FAM193A: variants seen among roughly 807,000 people sequenced by gnomAD.
FAM193A encodes the protein family with sequence similarity 193 member A, also known as protein FAM193A.
FAM193A carries 22 observed loss-of-function variants against 126.5 expected under a neutral mutation model. That is an observed-to-expected ratio of 0.17 (90% CI 0.12 to 0.25). FAM193A has a LOEUF of 0.25. Ranked by LOEUF, FAM193A falls within the 10% of genes least tolerant of loss-of-function variation. The pLI is 1.00. For synonymous variants in FAM193A, 761 were observed against 646.8 expected (o/e 1.18, Z -2.68); for missense variants, 1,675 against 1,672.8 (o/e 1.00, Z -0.02).
intron 13 of FAM193A, among the ~76,000 whole-genome samples, chr4:2,675,122 G>C (rs1714248603): frequency 6.6e-6 from 1 of 151,950 alleles, no homozygotes; most frequent in Admixed American, 6.6e-5. Flanking sequence ...TATAATCTCT[G>C]GTTTTTTGAG....
rs1712699529 is a variant in FAM193A at position 2,663,256 on chromosome 4, G to A, written c.2047G>A (p.Asp683Asn). ...RSPRTEESKA[D>N]SPPPSYPTQQ... ...CCCCAGGACAGAGGAGAGCAAAGCA[G>A]ACAGTCCACCCCCATCCTACCCAAC... is the stretch of plus-strand genomic sequence containing the variant. Residue 683 changes from aspartate to asparagine, a missense_variant, in exon 12 of 21, where the codon GAC (aspartate) becomes AAC (asparagine). By Grantham distance (23) the Asp-to-Asn change is conservative. Around this residue, in one of 4 missense-constraint regions of FAM193A, gnomAD observed 1,186 missense variants for 1,109.2 expected, o/e 1.07. Coordinates refer to ENST00000637812, the MANE Select transcript of FAM193A (RefSeq NM_001366318.2). 2 of 1,611,588 alleles carry A rather than the reference G, an allele frequency of 1.2e-6. No homozygotes were observed. Among genetic ancestry groups the A allele is most frequent in the Non-Finnish European group, 1.7e-6 (2 of 1,179,274 alleles).
chr4:2,569,567 GA>G (rs1167557787), intron 1 of FAM193A, among the ~76,000 whole-genome samples: 1 of 152,096 alleles, frequency 6.6e-6, no homozygotes, highest in Non-Finnish European at 1.5e-5. Flanking sequence ...GGCCGATCAT[GA>G]CTCACTGCAG....
chr4:2,668,986 G>A (rs1560544918), intron 12 of FAM193A, among the ~76,000 whole-genome samples: 1 of 152,070 alleles, frequency 6.6e-6, no homozygotes, highest in African/African-American at 2.4e-5. Context: ...GGGATCACAG[G>A]CAAGCACCAT....
chr4:2,727,607 G>T (rs868491648), intron 20 of FAM193A, among the ~76,000 whole-genome samples: 1 of 152,154 alleles, frequency 6.6e-6, no homozygotes, highest in Non-Finnish European at 1.5e-5. Context: ...GACCATTTGG[G>T]ATACCCATTT....
chr4:2,664,198 C>G (rs1712820432), intron 12 of FAM193A, among the ~76,000 whole-genome samples: 2 of 152,120 alleles, frequency 1.3e-5, no homozygotes, highest in African/African-American at 4.8e-5. Flanking sequence ...TAACACAAAA[C>G]TGTTTTCTTT....
At chr4:2,543,120 C>T (rs1205445713) in intron 1 of FAM193A, among the ~76,000 whole-genome samples, 3 of 151,298 alleles carry the variant, frequency 2.0e-5, no homozygotes, top group Non-Finnish European at 2.9e-5. Flanking sequence ...TGGAGTCTCG[C>T]TCTGTCACCC....
At chr4:2,658,389 T>A (rs1211173121) in intron 8 of FAM193A, among the ~76,000 whole-genome samples, 1 of 152,124 alleles carries the variant, frequency 6.6e-6, no homozygotes, top group African/African-American at 2.4e-5. Context: ...TGGCGGTGCC[T>A]CCTCCAGGCA....
At position 2,578,438 on chromosome 4, in the gene FAM193A, CCTT is replaced by C. The variant is rs1739731035; in HGVS notation, c.256-17642_256-17640del. ...CGTATCTCATTTGATTCTGTGGCAACCTTCTTGGTAGGTTTTTTTTTTCCCCCC... is the reference window on the plus strand; with the variant it reads ...CGTATCTCATTTGATTCTGTGGCAACCTTGGTAGGTTTTTTTTTTCCCCCC... On this transcript the variant is annotated intron_variant, in intron 1 of 20. Transcript: ENST00000637812. Among the ~76,000 whole-genome samples the C allele has an allele frequency of 3.3e-5, 5 of 151,790 alleles. No individual in the cohort carries two copies. In the South Asian group the frequency reaches 1.0e-3, roughly 31 times the overall value.
intron 19 of FAM193A, among the ~76,000 whole-genome samples, chr4:2,709,088 C>G (rs1445733984): frequency 6.6e-6 from 1 of 152,060 alleles, no homozygotes; most frequent in Non-Finnish European, 1.5e-5. Flanking sequence ...TTCCTCATCT[C>G]TTGAGTGTTT....
chr4:2,711,462 C>T (rs1054639596), intron 19 of FAM193A, among the ~76,000 whole-genome samples: 2 of 151,776 alleles, frequency 1.3e-5, no homozygotes, highest in African/African-American at 4.8e-5. Context: ...GTCTCAGCCT[C>T]CCGAGTAGCT....
intron 1 of FAM193A, among the ~76,000 whole-genome samples, chr4:2,560,263 G>T (rs1452047620): frequency 6.6e-6 from 1 of 152,082 alleles, no homozygotes; most frequent in Non-Finnish European, 1.5e-5. Flanking sequence ...TTTCTTTCCA[G>T]TGAGTTCTTC....
At chr4:2,719,777 TCCCTC>T (rs531072060) in intron 20 of FAM193A, among the ~76,000 whole-genome samples, 2 of 42,720 alleles carry the variant, frequency 4.7e-5, no homozygotes, top group Non-Finnish European at 1.1e-4. Context: ...CCTTCCTCCC[TCCCTC>T]CCTCCCTCCC....
In FAM193A at chr4:2,639,903, C is replaced by G. The variant is rs747141662; in HGVS notation, c.1163+44C>G. 2.5e-6 allele frequency: 4 copies of G among 1,592,382 alleles called. No homozygotes were observed. In the Admixed American group the frequency reaches 7.0e-5, roughly 28 times the overall value. On this transcript the variant is annotated intron_variant, in intron 6 of 20. Transcript: ENST00000637812. ...TATGTGTCTTTGTGGTGTGACAGCA[C>G]AGTCTTTTCTCCTGACTGGTGTGCG...
At chr4:2,700,725 C>T (rs530555340) in intron 19 of FAM193A, among the ~76,000 whole-genome samples, 181 bp downstream of exon 19, 1 of 152,238 alleles carries the variant, frequency 6.6e-6, no homozygotes, top group South Asian at 2.1e-4. Flanking sequence ...CTTTGTGAGG[C>T]CAGGGTGGGC....
rs1422459454 is a variant in FAM193A at position 2,625,271 on chromosome 4, TTTC to T, written c.518_520del (p.Leu173del). On this transcript the variant is annotated inframe_deletion, in exon 3 of 21. Transcript: ENST00000637812. ...TCTCTTTTTAAAACAGAGCCAAGATTTTCTTCTTCACTCCTCGCTTGGTGGCTC... is the reference window on the plus strand; with the variant it reads ...TCTCTTTTTAAAACAGAGCCAAGATTTTCTTCACTCCTCGCTTGGTGGCTC... 1 of 701,874 alleles carries T rather than the reference TTTC, an allele frequency of 1.4e-6. No individual in the cohort carries two copies. Among genetic ancestry groups the T allele is most frequent in the African/African-American group, 1.7e-5 (1 of 57,242 alleles). The allele number at this position is 701,874 out of a possible 1,614,324, so 43.5% of individuals were successfully genotyped here. A position where few individuals can be genotyped will look rare whatever the true frequency, so the allele number is the denominator to read the frequency against.
chr4:2,682,391 T>TAGCCTCAAGCAGTCCTCCC (rs1715257116), intron 13 of FAM193A, among the ~76,000 whole-genome samples: 2 of 152,202 alleles, frequency 1.3e-5, no homozygotes, highest in South Asian at 4.1e-4. Context: ...CTTGAACTCC[T>TAGCCTCAAGCAGTCCTCCC]AGCCTCAAGC....
chr4:2,589,950 C>T (rs1206725620), intron 1 of FAM193A, among the ~76,000 whole-genome samples: 1 of 151,374 alleles, frequency 6.6e-6, no homozygotes, highest in Non-Finnish European at 1.5e-5. Context: ...GCCTGACCGA[C>T]GTGATGAAAC....
At chr4:2,627,387 A>ACAGGTGGGTTTCTTTCTCAC (rs1560494638) in intron 4 of FAM193A, among the ~76,000 whole-genome samples, 33 of 130,482 alleles carry the variant, frequency 2.5e-4, no homozygotes, top group Admixed American at 5.8e-4. Context: ...TCTCTAACAT[A>ACAGGTGGGTTTCTTTCTCAC]ATCCACCTGC....
intron 1 of FAM193A, among the ~76,000 whole-genome samples, chr4:2,545,737 A>C (rs115727688): frequency 0.017 from 2,658 of 152,298 alleles, 60 homozygotes; most frequent in African/African-American, 0.051. Flanking sequence ...GCTGGAATGC[A>C]GTGTTATGAC....
Sources: allele counts gnomAD v4.1 joint callset (sites outside exome capture counted in the v4.1 genomes callset), GRCh38; gene constraint gnomAD v4.1.1; regional missense constraint gnomAD v4.1.1; transcripts MANE v1.5; gene names NCBI Gene and HGNC (gene_info 2026-07-23, HGNC 2026-07-21).